The following NAPSA variants were observed in gnomAD, a reference collection of about 807,000 sequenced individuals.
NAPSA encodes napsin-A.
Under a neutral mutation model 36.7 loss-of-function variants are expected in NAPSA, and 37 were observed. The ratio of observed to expected loss-of-function variants is 1.01; its 90% CI spans 0.78 to 1.33. The LOEUF (loss-of-function observed/expected upper bound fraction) is 1.33, where lower values mean the gene tolerates loss of function less well. Among genes scored for constraint, NAPSA ranks in the 40% most tolerant of loss-of-function variants. The probability of loss-of-function intolerance (pLI) is 0.00; values close to 1 mark genes in which losing one functional copy is unlikely to be tolerated. For synonymous variants in NAPSA, 222 were observed against 234.5 expected (o/e 0.95, Z 0.49); for missense variants, 532 against 543.8 (o/e 0.98, Z 0.21).
intron 1 of NAPSA, 41 bp downstream of exon 1, chr19:50,365,498 A>T: frequency 6.3e-7 from 1 of 1,588,732 alleles, no homozygotes; most frequent in South Asian, 1.1e-5. Flanking sequence ...AGAGGCAGAA[A>T]ATCCCTCCTA....
chr19:50,367,523 TCAAA>T (rs928586015), upstream of NAPSA, among the ~76,000 whole-genome samples: 11 of 151,622 alleles, frequency 7.3e-5, no homozygotes, highest in African/African-American at 2.2e-4. Flanking sequence ...TTGCTTTCTC[TCAAA>T]CAGAGTCAGT....
At chr19:50,360,842 G>T in intron 5 of NAPSA, 99 bp downstream of exon 5, 2 of 1,209,146 alleles carry the variant, frequency 1.7e-6, no homozygotes, top group East Asian at 2.6e-5. Flanking sequence ...GGGTGACTCT[G>T]AGAATGAGAA....
chr19:50,368,813 A>C (rs533648959), upstream of NAPSA, among the ~76,000 whole-genome samples: 3 of 152,314 alleles, frequency 2.0e-5, no homozygotes, highest in Admixed American at 2.0e-4. Context: ...CTAGAGCTGG[A>C]CCCCTGGAAC....
At chr19:50,367,811 G>C (rs747222202), upstream of NAPSA, among the ~76,000 whole-genome samples, 7 of 152,138 alleles carry the variant, frequency 4.6e-5, no homozygotes, top group Non-Finnish European at 1.0e-4. Context: ...AGTTACCTCA[G>C]GTCCCAGGTG....
chr19:50,367,588 GTC>G (rs1049961373), upstream of NAPSA, among the ~76,000 whole-genome samples: 5 of 137,690 alleles, frequency 3.6e-5, no homozygotes, highest in Admixed American at 7.1e-5. Flanking sequence ...CTCTGTCTCT[GTC>G]TCTCTCTCTC....
At position 50,362,232 on chromosome 19, in the gene NAPSA, C is replaced by T; in HGVS notation, c.165G>A (p.Lys55=). 1 of 1,614,108 alleles carries T rather than the reference C, an allele frequency of 6.2e-7. No individual in the cohort carries two copies. Among genetic ancestry groups the T allele is most frequent in the Non-Finnish European group, 8.5e-7 (1 of 1,180,006 alleles). The change falls in exon 2 of 9, where the codon AAG becomes AAA. Residue 55 remains lysine, a synonymous_variant. Coordinates refer to ENST00000253719, the MANE Select transcript of NAPSA (RefSeq NM_004851.3). ...RGWREPAELP[K]LGAPSPGDKP... is the part of the protein sequence containing the mutation. ...TGTCCCCAGGGGATGGGGCCCCCAA[C>T]TTGGGGAGCTCTGCTGGTTCTCTCC...
In NAPSA at chr19:50,360,983, T is replaced by G. The variant is rs772708922; in HGVS notation, c.626A>C (p.Gln209Pro). 19 of 1,614,038 alleles carry G rather than the reference T, an allele frequency of 1.2e-5. No individual in the cohort carries two copies. The Middle Eastern group carries it at 6.6e-4, about 56-fold the overall frequency. ...VRPPMDVLVE[Q>P]GLLDKPVFSF... ...GAAGACAGGCTTATCCAATAGCCCC[T>G]GCTCCACCAGTACATCCATCGGGGG... Residue 209 changes from glutamine (Q) to proline (P), a missense_variant, in exon 5 of 9, where the codon CAG becomes CCG. Gln to Pro is a moderately conservative substitution (Grantham distance 76). This residue lies in a region of NAPSA where 385 missense variants were observed against 371.5 expected (regional missense o/e 1.04). Transcript: ENST00000253719.
intron 1 of NAPSA, among the ~76,000 whole-genome samples, chr19:50,363,452 C>T (rs761638110): frequency 6.6e-6 from 1 of 152,150 alleles, no homozygotes; most frequent in Non-Finnish European, 1.5e-5. Context: ...GCAGTCAGGG[C>T]TCACTGCAGC....
rs138781658 is a variant in NAPSA at position 50,361,007 on chromosome 19, G to C, written c.602C>G (p.Pro201Arg). The C allele has an allele frequency of 4.3e-6, 7 of 1,613,978 alleles. No homozygotes were observed. The African/African-American group carries it at 9.3e-5, about 22-fold the overall frequency. ...CTGCTCCACCAGTACATCCATCGGG[G>C]GCCGAACTCCTTCCACAGACAGAAT... The part of the protein sequence containing the change: ...FPILSVEGVR[P>R]PMDVLVEQGL... The change falls in exon 5 of 9, where the codon CCC (proline) becomes CGC (arginine). Residue 201 changes from proline to arginine, a missense_variant. By Grantham distance (103) the Pro-to-Arg change is moderately radical. Transcript: ENST00000253719.
In NAPSA at chr19:50,359,584, G is replaced by C; in HGVS notation, c.855C>G (p.Gly285=). The C allele has an allele frequency of 6.2e-7, 1 of 1,614,242 alleles. No homozygotes were observed. The highest frequency in any genetic ancestry group is 1.1e-5 in the South Asian group (1 of 91,088). ...AKGCAAILDT[G]TSLITGPTEE... is the part of the protein sequence containing the mutation. Reference sequence around the variant, plus strand: ...CAGTGGGTCCTGTGATGAGGGACGTGCCCGTATCCAGGATGGCAGCACAGC... The same window carrying C: ...CAGTGGGTCCTGTGATGAGGGACGTCCCCGTATCCAGGATGGCAGCACAGC... The change falls in exon 7 of 9, where the codon GGC becomes GGG. Residue 285 remains glycine, a synonymous_variant. Transcript: ENST00000253719.
chr19:50,368,015 A>G (rs1286433606), upstream of NAPSA, among the ~76,000 whole-genome samples: 2 of 151,756 alleles, frequency 1.3e-5, no homozygotes. Context: ...AAAATTAGCC[A>G]GGCGTGGTGG....
At position 50,358,650 on chromosome 19, in the gene NAPSA, T is replaced by C. The variant is rs1372223566; in HGVS notation, c.1166A>G (p.Asp389Gly). 6.2e-7 allele frequency: 1 copy of C among 1,612,846 alleles called. No individual in the cohort carries two copies. The highest frequency in any genetic ancestry group is 2.2e-5 in the East Asian group (1 of 44,844). ...GCCCACCCGGGCGCTGCTCTTCATGTCCCCGCGGTCGAAGACGGCCACATA... is the reference window on the plus strand; with the variant it reads ...GCCCACCCGGGCGCTGCTCTTCATGCCCCCGCGGTCGAAGACGGCCACATA... Reference protein sequence around the residue: ...GTYVAVFDRGDMKSSARVGLA... With the variant: ...GTYVAVFDRGGMKSSARVGLA... The change falls in exon 9 of 9, where the codon GAC becomes GGC. Residue 389 changes from aspartate (D) to glycine (G), a missense_variant. Asp to Gly is a moderately conservative substitution (Grantham distance 94, BLOSUM62 -1). Around this residue, in one of 3 missense-constraint regions of NAPSA, gnomAD observed 385 missense variants for 371.5 expected, o/e 1.04. Transcript: ENST00000253719.
rs748137888 is a variant in NAPSA, at chr19:50,360,975, A to G, written c.634T>C (p.Leu212=). ...TAAAAGGAGAAGACAGGCTTATCCA[A>G]TAGCCCCTGCTCCACCAGTACATCC... is the stretch of plus-strand genomic sequence containing the variant. ...PMDVLVEQGL[L]DKPVFSFYLN... is the part of the protein sequence containing the mutation. Residue 212 remains leucine, a synonymous_variant, in exon 5 of 9, where the codon TTG becomes CTG. Coordinates refer to ENST00000253719, the MANE Select transcript of NAPSA (RefSeq NM_004851.3). 4.3e-6 allele frequency: 7 copies of G among 1,614,140 alleles called. No individual in the cohort carries two copies. Among genetic ancestry groups the G allele is most frequent in the East Asian group, 2.2e-5 (1 of 44,870 alleles).
chr19:50,359,951 A>G, intron 5 of NAPSA, 89 bp from the exon 6 acceptor site: 1 of 1,525,952 alleles, frequency 6.6e-7, no homozygotes. Flanking sequence ...ACTTCCCACC[A>G]ACTGGGTTGT....
chr19:50,359,510 G>C lies in NAPSA; in HGVS notation c.929C>G (p.Ala310Gly), dbSNP rs2037442555. ...ACCAGACTGGGACCTCACCTCCCCA[G>C]CCAGCAAGGGGATTCCCCCAATGGC... is the stretch of plus-strand genomic sequence containing the variant. ...HAAIGGIPLLAGEYIILCSEI... is the reference protein window; with the variant it reads ...HAAIGGIPLLGGEYIILCSEI... Residue 310 changes from alanine to glycine, a missense_variant, in exon 7 of 9, where the codon GCT (alanine) becomes GGT (glycine). Physicochemically the swap from Ala to Gly is moderately conservative, Grantham distance 60. This residue lies in a region of NAPSA where 385 missense variants were observed against 371.5 expected (regional missense o/e 1.04). Transcript: ENST00000253719. 2 of 1,614,080 alleles carry C rather than the reference G, an allele frequency of 1.2e-6. No homozygotes were observed. Among genetic ancestry groups the C allele is most frequent in the Non-Finnish European group, 1.7e-6 (2 of 1,180,020 alleles).
chr19:50,359,609 C>T lies in NAPSA; in HGVS notation c.830G>A (p.Gly277Asp), dbSNP rs372041570. The stretch of plus-strand genomic sequence containing the variant: ...GCCCGTATCCAGGATGGCAGCACAG[C>T]CCTTGGCACAGAGAGTCAGCCCTGG... ...VGPGLTLCAK[G>D]CAAILDTGTS... Residue 277 changes from glycine to aspartate, a missense_variant, in exon 7 of 9, where the codon GGC becomes GAC. Gly to Asp is a moderately conservative substitution (Grantham distance 94). Coordinates refer to ENST00000253719, the MANE Select transcript of NAPSA (RefSeq NM_004851.3). The T allele has an allele frequency of 3.3e-5, 53 of 1,614,078 alleles. No homozygotes were observed. The highest frequency in any genetic ancestry group is 4.2e-5 in the Non-Finnish European group (49 of 1,180,048).
At chr19:50,358,970 T>C in intron 8 of NAPSA, 41 bp downstream of exon 8, 1 of 1,544,150 alleles carries the variant, frequency 6.5e-7, no homozygotes, top group South Asian at 1.1e-5. Context: ...TCTCAAACCG[T>C]CATATGACGT....
intron 1 of NAPSA, among the ~76,000 whole-genome samples, chr19:50,365,304 A>G (rs754635993): frequency 1.3e-5 from 2 of 152,194 alleles, no homozygotes; most frequent in African/African-American, 2.4e-5. Context: ...ATTGCACTCC[A>G]GCCTGGGCAA....
chr19:50,363,277 CAA>C (rs1417744518), intron 1 of NAPSA, among the ~76,000 whole-genome samples: 2 of 152,038 alleles, frequency 1.3e-5, no homozygotes, highest in East Asian at 1.9e-4. Context: ...GGAATGAAGA[CAA>C]GAGAGGAGAA....
Sources: gnomAD v4.1 joint callset for allele counts (sites outside exome capture counted in the v4.1 genomes callset) on GRCh38, gnomAD v4.1.1 for gene constraint, gnomAD v4.1.1 regional missense constraint, MANE v1.5 for transcripts, NCBI Gene and HGNC (gene_info 2026-07-23, HGNC 2026-07-21) for gene names.